Variants in NAALAD2 observed in about 807,000 individuals in gnomAD.
NAALAD2 encodes the protein N-acetylated alpha-linked acidic dipeptidase 2, also known as N-acetylated-alpha-linked acidic dipeptidase 2.
A neutral mutation model predicts 95.6 loss-of-function variants in NAALAD2; 89 were observed. That is an observed-to-expected ratio of 0.93 (90% CI 0.78 to 1.11). The LOEUF is 1.11. Ranked by LOEUF, NAALAD2 falls within the 50% of genes least tolerant of loss-of-function variation. The pLI, the probability that NAALAD2 is intolerant of heterozygous loss-of-function variation, is 0.00. For missense variants in NAALAD2, 894 were observed against 872.4 expected, an observed-to-expected ratio of 1.02 and a Z score of -0.31; for synonymous variants, 264 against 294.4, an observed-to-expected ratio of 0.90 and a Z score of 1.06.
intron 18 of NAALAD2, 81 bp from the exon 19 acceptor site, chr11:90,191,477 A>G: frequency 1.0e-6 from 1 of 967,472 alleles, no homozygotes; most frequent in South Asian, 2.6e-5. Context: ...ATCACAAGGA[A>G]ACATCATGTG....
chr11:90,176,145 G>GGTGTCTGGTGCC, intron 15 of NAALAD2, 83 bp downstream of exon 15: 2 of 1,013,896 alleles, frequency 2.0e-6, no homozygotes, highest in Non-Finnish European at 3.0e-6. Flanking sequence ...TTTGGCACCA[G>GGTGTCTGGTGCC]ACACCTGGTG....
intron 18 of NAALAD2, among the ~76,000 whole-genome samples, chr11:90,183,844 T>G (rs1326056794): frequency 6.6e-6 from 1 of 152,170 alleles, no homozygotes; most frequent in Non-Finnish European, 1.5e-5. Flanking sequence ...ATTTTTGACT[T>G]GTGATATTTT....
intron 15 of NAALAD2, among the ~76,000 whole-genome samples, chr11:90,177,411 A>C (rs958298217): frequency 1.3e-5 from 2 of 151,674 alleles, no homozygotes; most frequent in Non-Finnish European, 2.9e-5. Flanking sequence ...CGAAGATACA[A>C]GGAGAAAATG....
At chr11:90,174,976 G>A (rs1412987783) in intron 14 of NAALAD2, among the ~76,000 whole-genome samples, 2 of 151,990 alleles carry the variant, frequency 1.3e-5, no homozygotes, top group Non-Finnish European at 2.9e-5. Flanking sequence ...ATTAAGTTTA[G>A]GCTATGTTTA....
Position 90,191,888 on chromosome 11 carries a change from CAA to C in NAALAD2, c.*143_*144del, listed in dbSNP as rs1857339032. Reference sequence around the variant, plus strand: ...TTATAGGCTTTGGTCTTTTCATCTGCAAAGCCTTTTTTTTTTGCTCTTTAAAA... The same window carrying C: ...TTATAGGCTTTGGTCTTTTCATCTGCAGCCTTTTTTTTTTGCTCTTTAAAA... On this transcript the variant is annotated 3_prime_UTR_variant, in exon 19 of 19. Transcript: ENST00000534061. The C allele has an allele frequency of 1.9e-6, 1 of 526,640 alleles. No individual in the cohort carries two copies. The highest frequency in any genetic ancestry group is 4.1e-5 in the Admixed American group (1 of 24,454). The allele number at this position is 526,640 out of a possible 1,614,324, so 32.6% of individuals were successfully genotyped here.
chr11:90,181,622 T>A lies in NAALAD2; in HGVS notation c.1861T>A (p.Ser621Thr), dbSNP rs772970713. ...QLTDHGVSFD[S>T]LFSAVKNFSE... ...CTTCTTTTCTATTTTTAAAAAAGAC[T>A]CCTTATTTTCTGCTGTGAAAAACTT... is the stretch of plus-strand genomic sequence containing the variant. The change falls in exon 17 of 19, where the codon TCC (serine) becomes ACC (threonine). Residue 621 changes from serine to threonine, a missense_variant and splice_region_variant. Ser to Thr is a moderately conservative substitution (Grantham distance 58). Transcript: ENST00000534061. The A allele has an allele frequency of 5.0e-6, 8 of 1,589,912 alleles. No homozygotes were observed. In the Admixed American group the frequency reaches 1.4e-4, roughly 27 times the overall value.
chr11:90,165,715 A>G (rs1952423086), intron 11 of NAALAD2, among the ~76,000 whole-genome samples: 1 of 152,296 alleles, frequency 6.6e-6, no homozygotes, highest in Middle Eastern at 3.4e-3. Context: ...ATCAAATTTT[A>G]TTAGTTCAGG....
chr11:90,163,266 A>C (rs762250497), intron 9 of NAALAD2, 44 bp from the exon 10 acceptor site: 2 of 1,561,510 alleles, frequency 1.3e-6, no homozygotes, highest in Non-Finnish European at 1.7e-6. Context: ...AAATATTTAT[A>C]ATGTATTCAA....
intron 14 of NAALAD2, 136 bp downstream of exon 14, chr11:90,174,051 G>A (rs1416086693): frequency 1.5e-6 from 1 of 683,244 alleles, no homozygotes. Flanking sequence ...AGAATTCCTG[G>A]CCGAGCCCAG....
At chr11:90,187,609 G>T (rs890725435) in intron 18 of NAALAD2, among the ~76,000 whole-genome samples, 1 of 152,014 alleles carries the variant, frequency 6.6e-6, no homozygotes, top group Non-Finnish European at 1.5e-5. Context: ...TTGTCTTAAA[G>T]AATTTATTTC....
intron 18 of NAALAD2, among the ~76,000 whole-genome samples, chr11:90,184,296 A>G (rs1384551620): frequency 2.6e-5 from 4 of 152,136 alleles, no homozygotes; most frequent in Admixed American, 2.6e-4. Context: ...CGTGACCTGG[A>G]AAAATTATTT....
chr11:90,175,466 G>A (rs1187874236), intron 14 of NAALAD2, among the ~76,000 whole-genome samples: 2 of 151,988 alleles, frequency 1.3e-5, no homozygotes, highest in Admixed American at 6.6e-5. Flanking sequence ...ATCAACAGAG[G>A]TTTCCTAATC....
At chr11:90,176,407 G>T (rs1308930028) in intron 15 of NAALAD2, among the ~76,000 whole-genome samples, 1 of 152,082 alleles carries the variant, frequency 6.6e-6, no homozygotes, top group East Asian at 1.9e-4. Flanking sequence ...CTTTTCATGA[G>T]GATAAATGCA....
intron 11 of NAALAD2, among the ~76,000 whole-genome samples, chr11:90,167,520 A>C (rs893029278): frequency 4.6e-5 from 7 of 152,192 alleles, no homozygotes; most frequent in African/African-American, 1.4e-4. Context: ...AGGGCTGAGA[A>C]GTGCCGGCGC....
At chr11:90,172,121 C>G (rs1273517735) in intron 13 of NAALAD2, among the ~76,000 whole-genome samples, 1 of 152,144 alleles carries the variant, frequency 6.6e-6, no homozygotes, top group Non-Finnish European at 1.5e-5. Flanking sequence ...GGAGTTCAAT[C>G]CAAGCAGGAT....
chr11:90,139,934 A>T (rs1160778375), intron 2 of NAALAD2, among the ~76,000 whole-genome samples: 1 of 151,584 alleles, frequency 6.6e-6, no homozygotes, highest in Admixed American at 6.6e-5. Flanking sequence ...TGCATACCTC[A>T]GTCTACGGTA....
intron 4 of NAALAD2, among the ~76,000 whole-genome samples, chr11:90,150,237 A>AG (rs902476872): frequency 4.2e-5 from 2 of 47,786 alleles, no homozygotes; most frequent in Admixed American, 5.2e-4. Context: ...CCTGGGTGAC[A>AG]GTGAAATTCC....
intron 18 of NAALAD2, among the ~76,000 whole-genome samples, chr11:90,188,213 T>C (rs1379360762): frequency 6.6e-6 from 1 of 152,198 alleles, no homozygotes; most frequent in Non-Finnish European, 1.5e-5. Context: ...ACCTTTAGGC[T>C]GAACTTAAAA....
chr11:90,134,777 C>A lies in NAALAD2; in HGVS notation c.19C>A (p.Arg7Ser). Residue 7 changes from arginine (R) to serine (S), a missense_variant, in exon 1 of 19, where the codon CGT (arginine) becomes AGT (serine). By Grantham distance (110) the Arg-to-Ser change is moderately radical (BLOSUM62 -1). Transcript: ENST00000534061. MAESRG[R>S]LYLWMCLAAA... ...AGAAGCCATGGCGGAATCCAGGGGC[C>A]GTCTGTACCTTTGGATGTGCTTGGC... The A allele has an allele frequency of 6.2e-7, 1 of 1,614,062 alleles. No homozygotes were observed. Among genetic ancestry groups the A allele is most frequent in the Non-Finnish European group, 8.5e-7 (1 of 1,180,024 alleles).
Sources: allele counts gnomAD v4.1 joint callset (sites outside exome capture counted in the v4.1 genomes callset), GRCh38; gene constraint gnomAD v4.1.1; transcripts MANE v1.5; gene names NCBI Gene and HGNC (gene_info 2026-07-23, HGNC 2026-07-21).